Variants in ULK4 observed in about 807,000 individuals in gnomAD.
The protein encoded by ULK4 is inactive serine/threonine-protein kinase ULK4.
In ULK4, 133 loss-of-function variants were observed where a neutral mutation model predicts 160.6. That is an observed-to-expected ratio of 0.83 (90% CI 0.72 to 0.96). ULK4 has a LOEUF of 0.96. Ranked by LOEUF, ULK4 falls within the 40% of genes least tolerant of loss-of-function variation. The pLI is 0.00. For synonymous variants in ULK4, 534 were observed against 539.8 expected (o/e 0.99, Z 0.15); for missense variants, 1,580 against 1,499.5 (o/e 1.05, Z -0.89).
At chr3:41,503,009 T>C (rs553007107) in intron 32 of ULK4, among the ~76,000 whole-genome samples, 62 of 152,166 alleles carry the variant, frequency 4.1e-4, no homozygotes, top group Non-Finnish European at 6.3e-4. Context: ...AATACAACTA[T>C]TGATAAATTA....
At chr3:41,318,256 T>C (rs1225404014) in intron 35 of ULK4, among the ~76,000 whole-genome samples, 1 of 152,206 alleles carries the variant, frequency 6.6e-6, no homozygotes, top group Non-Finnish European at 1.5e-5. Context: ...GAAGATTTTT[T>C]TTTAATTAGA....
intron 34 of ULK4, among the ~76,000 whole-genome samples, chr3:41,436,863 T>G (rs2083048468): frequency 2.0e-5 from 3 of 152,136 alleles, no homozygotes; most frequent in Admixed American, 2.0e-4. Flanking sequence ...ATGCCACAAG[T>G]AATATTTATG....
At chr3:41,851,143 C>T (rs1181145333) in intron 17 of ULK4, among the ~76,000 whole-genome samples, 3 of 152,132 alleles carry the variant, frequency 2.0e-5, no homozygotes, top group Admixed American at 2.0e-4. Context: ...GAGGGCGTCC[C>T]TGTCTTGTGC....
intron 35 of ULK4, among the ~76,000 whole-genome samples, chr3:41,315,744 AAAG>A (rs1202133963): frequency 6.6e-6 from 1 of 152,170 alleles, no homozygotes; most frequent in African/African-American, 2.4e-5. Context: ...ACATTTCCCC[AAAG>A]AAGATGTACG....
rs140451156 is a variant in ULK4, at chr3:41,735,348, T to C, written c.2322-17487A>G. 2.0e-5 allele frequency among the ~76,000 whole-genome samples: 3 copies of C among 152,226 alleles called. No individual in the cohort carries two copies. The East Asian group carries it at 5.8e-4, about 29-fold the overall frequency. On this transcript the variant is annotated intron_variant, in intron 22 of 36. Coordinates refer to ENST00000301831, the MANE Select transcript of ULK4 (RefSeq NM_017886.4). ...TTTATATTGTGTAAAGTCAGTTATA[T>C]AGGTTTTAAAAATAAAGAATTCACA... is the stretch of plus-strand genomic sequence containing the variant.
At chr3:41,479,450 T>C (rs924290060) in intron 32 of ULK4, among the ~76,000 whole-genome samples, 1 of 152,222 alleles carries the variant, frequency 6.6e-6, no homozygotes, top group African/African-American at 2.4e-5. Context: ...TTGGTGCTGT[T>C]GGTCGGAGAA....
intron 35 of ULK4, among the ~76,000 whole-genome samples, chr3:41,306,820 T>C (rs1215490461): frequency 6.6e-6 from 1 of 151,880 alleles, no homozygotes; most frequent in Non-Finnish European, 1.5e-5. Context: ...TCTTCTGCCG[T>C]GGGATCCTGT....
At chr3:41,562,072 A>G (rs1011923210) in intron 32 of ULK4, among the ~76,000 whole-genome samples, 4 of 152,074 alleles carry the variant, frequency 2.6e-5, no homozygotes, top group Non-Finnish European at 5.9e-5. Flanking sequence ...CTTTGTTCTC[A>G]TTGGTTTCAA....
At position 41,420,475 on chromosome 3, in the gene ULK4, C is replaced by CTTTT. The variant is rs1165381982; in HGVS notation, c.3493-22215_3493-22212dup. ...GGATTTTTCAGTTTTCCAGTTCTTT[C>CTTTT]TTTTTTTTTTTTTTTTTTTTTTTTT... On this transcript the variant is annotated intron_variant, in intron 34 of 36. Transcript: ENST00000301831. Among the ~76,000 whole-genome samples, 314 of 41,156 alleles carry CTTTT rather than the reference C, an allele frequency of 7.6e-3. 12 individuals are homozygous for CTTTT. Among genetic ancestry groups the CTTTT allele is most frequent in the African/African-American group, 0.019 (194 of 10,034 alleles). The allele number at this position is 41,156 out of a possible 152,430, so 27.0% of individuals were successfully genotyped here. A position where few individuals can be genotyped will look rare whatever the true frequency, so the allele number is the denominator to read the frequency against.
intron 16 of ULK4, among the ~76,000 whole-genome samples, chr3:41,890,340 A>G (rs1697874763): frequency 6.6e-6 from 1 of 152,168 alleles, no homozygotes; most frequent in Non-Finnish European, 1.5e-5. Context: ...GGAACAGAAA[A>G]AGGATGAAAT....
intron 31 of ULK4, among the ~76,000 whole-genome samples, chr3:41,611,204 C>A (rs1478629403): frequency 6.6e-6 from 1 of 152,180 alleles, no homozygotes; most frequent in Non-Finnish European, 1.5e-5. Context: ...AATACAAATG[C>A]ATTCAGCTTA....
In ULK4 at chr3:41,822,077, T is replaced by C. The variant is rs555837165; in HGVS notation, c.1765-2571A>G. 1.5e-3 allele frequency among the ~76,000 whole-genome samples: 231 copies of C among 152,304 alleles called. 1 individual carries two copies. The highest frequency in any genetic ancestry group is 1.0e-3 in the Non-Finnish European group (69 of 68,024). On this transcript the variant is annotated intron_variant, in intron 18 of 36. Transcript: ENST00000301831. ...ACTCTCCACATTTAAACCAGAATTA[T>C]CTTTTTGGCATGCAAATCAGCTGAC...
chr3:41,462,975 C>A, intron 33 of ULK4, 112 bp downstream of exon 33: 1 of 1,283,098 alleles, frequency 7.8e-7, no homozygotes, highest in South Asian at 1.6e-5. Flanking sequence ...TAGAATTATA[C>A]ATTCTTTTAA....
At position 41,614,928 on chromosome 3, in the gene ULK4, T is replaced by A. The variant is rs529596120; in HGVS notation, c.3120+741A>T. Among the ~76,000 whole-genome samples the A allele has an allele frequency of 1.2e-4, 19 of 152,260 alleles. No homozygotes were observed. The South Asian group carries it at 3.9e-3, about 32-fold the overall frequency. On this transcript the variant is annotated intron_variant, in intron 31 of 36. Coordinates refer to ENST00000301831, the MANE Select transcript of ULK4 (RefSeq NM_017886.4). ...GCCCCCTCTGTTGTGCCTTGTGCTG[T>A]TACTGAGCTAGGGAGGTAAAGTACT... is the stretch of plus-strand genomic sequence containing the variant.
At chr3:41,623,013 G>C (rs2033329988) in intron 30 of ULK4, among the ~76,000 whole-genome samples, 1 of 152,096 alleles carries the variant, frequency 6.6e-6, no homozygotes, top group African/African-American at 2.4e-5. Context: ...CCATGTTTAG[G>C]GGAAAGCTAC....
At chr3:41,441,759 T>A (rs539954208) in intron 34 of ULK4, among the ~76,000 whole-genome samples, 2 of 152,240 alleles carry the variant, frequency 1.3e-5, no homozygotes, top group African/African-American at 4.8e-5. Flanking sequence ...TTTTCTTTCA[T>A]CTCTTCTATC....
chr3:41,824,560 G>A (rs185661912), intron 18 of ULK4, among the ~76,000 whole-genome samples: 7 of 152,246 alleles, frequency 4.6e-5, no homozygotes, highest in East Asian at 3.9e-4. Flanking sequence ...ATGAAGCCTC[G>A]CTCATTGCTA....
intron 30 of ULK4, among the ~76,000 whole-genome samples, chr3:41,655,450 CACACCA>C (rs1230129056): frequency 1.3e-5 from 2 of 151,738 alleles, no homozygotes; most frequent in Non-Finnish European, 2.9e-5. Context: ...ATGGGTGCAG[CACACCA>C]ACATGGCACA....
intron 17 of ULK4, among the ~76,000 whole-genome samples, chr3:41,843,520 G>A (rs2041987886): frequency 6.6e-6 from 1 of 152,030 alleles, no homozygotes; most frequent in African/African-American, 2.4e-5. Context: ...TAGCTCAGGA[G>A]TGAAGCTGCG....
Sources: allele counts gnomAD v4.1 joint callset (sites outside exome capture counted in the v4.1 genomes callset), GRCh38; gene constraint gnomAD v4.1.1; transcripts MANE v1.5; gene names NCBI Gene and HGNC (gene_info 2026-07-23, HGNC 2026-07-21).